Variants in CTNNA3 observed in about 807,000 individuals in gnomAD.
The protein encoded by CTNNA3 is catenin alpha-3.
In CTNNA3, 76 loss-of-function variants were observed where a neutral mutation model predicts 95.7. The observed-to-expected ratio is 0.79, with a 90% CI of 0.66 to 0.96. The LOEUF (loss-of-function observed/expected upper bound fraction) is 0.96, where lower values mean the gene tolerates loss of function less well. Among genes scored for constraint, CTNNA3 ranks in the 40% least tolerant of loss-of-function variants. CTNNA3 has a pLI of 0.00. For missense variants in CTNNA3, 1,191 were observed against 1,089.8 expected (o/e 1.09, Z -1.31); for synonymous variants, 431 against 374.4 (o/e 1.15, Z -1.74).
chr10:67,657,844 T>A, intron 1 of CTNNA3, among the ~76,000 whole-genome samples: 1 of 82,528 alleles, frequency 1.2e-5, no homozygotes, highest in Non-Finnish European at 2.1e-5. Context: ...TGAAATTCCA[T>A]CTCAAAAAAA....
In CTNNA3 at chr10:67,386,718, A is replaced by T. The variant is rs1589239520; in HGVS notation, c.579+135124T>A. Among the ~76,000 whole-genome samples the T allele has an allele frequency of 2.0e-5, 3 of 152,216 alleles. No homozygotes were observed. The South Asian group carries it at 6.2e-4, about 32-fold the overall frequency. On this transcript the variant is annotated intron_variant, in intron 5 of 17. Transcript: ENST00000433211. Reference sequence around the variant, plus strand: ...TAAGAATAGTGCCAGAACACGAAAAATGAGGGGTTTCATTTACTTATGACT... The same window carrying T: ...TAAGAATAGTGCCAGAACACGAAAATTGAGGGGTTTCATTTACTTATGACT...
intron 13 of CTNNA3, among the ~76,000 whole-genome samples, chr10:66,158,663 T>A (rs12413787): frequency 6.6e-6 from 1 of 152,006 alleles, no homozygotes; most frequent in Non-Finnish European, 1.5e-5. Context: ...ATTTTAGAAT[T>A]GTTTTTTCTA....
chr10:67,582,961 A>G (rs1023046523), intron 3 of CTNNA3, among the ~76,000 whole-genome samples: 10 of 151,926 alleles, frequency 6.6e-5, no homozygotes, highest in African/African-American at 1.9e-4. Context: ...GTCTCTGCAC[A>G]AGAGATGGGT....
chr10:67,422,874 T>C (rs1042917269), intron 5 of CTNNA3, among the ~76,000 whole-genome samples: 1 of 152,102 alleles, frequency 6.6e-6, no homozygotes, highest in African/African-American at 2.4e-5. Flanking sequence ...GAGAACAAAC[T>C]AATACACTCC....
At chr10:67,627,822 G>C (rs1014669513) in intron 2 of CTNNA3, among the ~76,000 whole-genome samples, 1 of 151,576 alleles carries the variant, frequency 6.6e-6, no homozygotes, top group Non-Finnish European at 1.5e-5. Context: ...TAGAAACTAG[G>C]GTTACTAAGA....
intron 12 of CTNNA3, among the ~76,000 whole-genome samples, chr10:66,293,466 G>C (rs927973029): frequency 6.6e-6 from 1 of 151,814 alleles, no homozygotes; most frequent in African/African-American, 2.4e-5. Flanking sequence ...ATTACAACAA[G>C]TTGTAATTTA....
intron 5 of CTNNA3, among the ~76,000 whole-genome samples, chr10:67,513,455 C>T (rs138245852): frequency 1.3e-5 from 2 of 152,154 alleles, no homozygotes; most frequent in African/African-American, 4.8e-5. Flanking sequence ...TGGAGGCTTG[C>T]GTTTTAGAGA....
rs74141786 is a variant in CTNNA3 at position 67,068,031 on chromosome 10, A to C, written c.1047+112286T>G. Among the ~76,000 whole-genome samples, 636 of 152,334 alleles carry C rather than the reference A, an allele frequency of 4.2e-3. 5 individuals are homozygous for C. The highest frequency in any genetic ancestry group is 0.015 in the African/African-American group (606 of 41,584). ...CAATCACCAAGTGAAGAATTAAAGA[A>C]CATCCTAGTAAGAGAAATAAATGCC... On this transcript the variant is annotated intron_variant, in intron 7 of 17. Coordinates refer to ENST00000433211, the MANE Select transcript of CTNNA3 (RefSeq NM_013266.4).
At chr10:67,237,145 T>TATATATATATATATATATATACACC in intron 5 of CTNNA3, among the ~76,000 whole-genome samples, 1 of 72,090 alleles carries the variant, frequency 1.4e-5, no homozygotes, top group East Asian at 3.6e-4. Flanking sequence ...TATATATATA[T>TATATATATATATATATATATACACC]ATATATATAT....
intron 10 of CTNNA3, among the ~76,000 whole-genome samples, chr10:66,575,092 ACTTCAT>A (rs1258071183): frequency 1.3e-5 from 2 of 152,138 alleles, no homozygotes; most frequent in African/African-American, 2.4e-5. Flanking sequence ...TTGAATAGCA[ACTTCAT>A]TAACCAGAAT....
chr10:66,212,052 C>T (rs1239112738), intron 13 of CTNNA3, among the ~76,000 whole-genome samples: 6 of 138,266 alleles, frequency 4.3e-5, no homozygotes, highest in African/African-American at 5.6e-5. Context: ...TGCAGTGGCG[C>T]GATCTCAGCT....
chr10:66,397,737 C>G (rs1008610584), intron 11 of CTNNA3, among the ~76,000 whole-genome samples: 1 of 151,750 alleles, frequency 6.6e-6, no homozygotes, highest in African/African-American at 2.4e-5. Context: ...GTAAACAATG[C>G]TAGACCATTT....
At chr10:67,649,885 G>C (rs1196406652) in intron 1 of CTNNA3, among the ~76,000 whole-genome samples, 2 of 152,156 alleles carry the variant, frequency 1.3e-5, no homozygotes, top group African/African-American at 2.4e-5. Flanking sequence ...TGTTGCCCAG[G>C]CTGGAGTACA....
intron 11 of CTNNA3, among the ~76,000 whole-genome samples, chr10:66,430,009 A>G (rs12250023): frequency 0.27 from 29,922 of 111,828 alleles, 4,806 homozygotes; most frequent in African/African-American, 0.37. Flanking sequence ...AAACCCCATC[A>G]TCTCAGTCGA....
At chr10:67,447,980 G>A (rs1832039937) in intron 5 of CTNNA3, among the ~76,000 whole-genome samples, 1 of 152,204 alleles carries the variant, frequency 6.6e-6, no homozygotes, top group Non-Finnish European at 1.5e-5. Flanking sequence ...TAACTTTGCA[G>A]AAAGTGCAAC....
At chr10:67,416,551 T>G (rs1228815923) in intron 5 of CTNNA3, among the ~76,000 whole-genome samples, 1 of 133,440 alleles carries the variant, frequency 7.5e-6, no homozygotes, top group South Asian at 2.3e-4. Flanking sequence ...GAGCTTGCAG[T>G]GAGCCGAGAT....
chr10:67,298,143 C>G (rs141520868), intron 5 of CTNNA3, among the ~76,000 whole-genome samples: 56 of 152,238 alleles, frequency 3.7e-4, no homozygotes, highest in Non-Finnish European at 7.6e-4. Flanking sequence ...AGGAGTTTTT[C>G]AAGGATAACA....
chr10:66,889,797 T>C (rs1845192882), intron 7 of CTNNA3, among the ~76,000 whole-genome samples: 1 of 150,894 alleles, frequency 6.6e-6, no homozygotes. Context: ...GACCTTTTTT[T>C]TTTTTTTTTT....
chr10:66,118,198 C>T (rs1285103732), intron 13 of CTNNA3: 1 of 152,162 alleles, frequency 6.6e-6, no homozygotes, highest in Admixed American at 6.6e-5. Context: ...CAGGTGGCAT[C>T]TACTGGATTT....
Sources: gnomAD v4.1 joint callset for allele counts (sites outside exome capture counted in the v4.1 genomes callset) on GRCh38, gnomAD v4.1.1 for gene constraint, MANE v1.5 for transcripts, NCBI Gene and HGNC (gene_info 2026-07-23, HGNC 2026-07-21) for gene names.